Variants in RFTN1 observed in about 807,000 individuals in gnomAD.
RFTN1 encodes raftlin, lipid raft linker 1.
Under a neutral mutation model 46.5 loss-of-function variants are expected in RFTN1, and 26 were observed. That is an observed-to-expected ratio of 0.56 (90% CI 0.41 to 0.78). The LOEUF is 0.78. Ranked by LOEUF, RFTN1 falls within the 30% of genes least tolerant of loss-of-function variation. The pLI, the probability that RFTN1 is intolerant of heterozygous loss-of-function variation, is 0.00. For synonymous variants in RFTN1, 261 were observed against 284.2 expected (o/e 0.92, Z 0.82); for missense variants, 693 against 718.7 (o/e 0.96, Z 0.41).
intron 7 of RFTN1, chr3:16,350,401 C>T (rs542591): frequency 6.6e-6 from 1 of 151,966 alleles, no homozygotes; most frequent in African/African-American, 2.4e-5. Context: ...CATGGATGGG[C>T]GTGGGCATTT....
chr3:16,491,779 A>C (rs965859186), intron 2 of RFTN1, among the ~76,000 whole-genome samples: 7 of 146,166 alleles, frequency 4.8e-5, no homozygotes, highest in African/African-American at 1.5e-4. Flanking sequence ...CAAAACAAAC[A>C]AAAAAAAAAA....
intron 5 of RFTN1, among the ~76,000 whole-genome samples, chr3:16,371,870 C>A (rs1292604288): frequency 6.6e-6 from 1 of 152,178 alleles, no homozygotes; most frequent in African/African-American, 2.4e-5. Flanking sequence ...CTGGCAGTCA[C>A]TAGACTAGTT....
rs982949864 is a variant in RFTN1, at chr3:16,356,491, ATGC to A, written c.1146+1438_1146+1440del. On this transcript the variant is annotated intron_variant, in intron 7 of 9. Transcript: ENST00000334133. The surrounding 1 kb of genome is among the most constrained non-coding windows in gnomAD (Gnocchi z 4.9). ...TTCTCATCCCTGTTCAGACGCAGGT[ATGC>A]CCCCCAACAGCCTTGCTCCTCACTT... Among the ~76,000 whole-genome samples, 1 of 128,956 alleles carries A rather than the reference ATGC, an allele frequency of 7.8e-6. No homozygotes were observed. Among genetic ancestry groups the A allele is most frequent in the African/African-American group, 2.6e-5 (1 of 39,048 alleles). The allele number at this position is 128,956 out of a possible 152,430, so 84.6% of individuals were successfully genotyped here. A position where few individuals can be genotyped will look rare whatever the true frequency, so the allele number is the denominator to read the frequency against.
At chr3:16,388,602 G>A (rs1232616769) in intron 4 of RFTN1, among the ~76,000 whole-genome samples, 1 of 152,198 alleles carries the variant, frequency 6.6e-6, no homozygotes, top group African/African-American at 2.4e-5. Context: ...TCTCAAGAAA[G>A]CATTGCTGTT....
At chr3:16,441,299 T>TAAAAA (rs59877269) in intron 2 of RFTN1, among the ~76,000 whole-genome samples, 15 of 47,546 alleles carry the variant, frequency 3.2e-4, no homozygotes, top group African/African-American at 7.3e-4. Flanking sequence ...TTCCAAGAAC[T>TAAAAA]AAAAAAAAAA....
In RFTN1 at chr3:16,384,274, C is replaced by T. The variant is rs1343909831; in HGVS notation, c.442-6172G>A. Among the ~76,000 whole-genome samples the T allele has an allele frequency of 6.6e-6, 1 of 152,218 alleles. No individual in the cohort carries two copies. Among genetic ancestry groups the T allele is most frequent in the African/African-American group, 2.4e-5 (1 of 41,452 alleles). On this transcript the variant is annotated intron_variant, in intron 4 of 9. Coordinates refer to ENST00000334133, the MANE Select transcript of RFTN1 (RefSeq NM_015150.2). The surrounding 1 kb of genome is among the most constrained non-coding windows in gnomAD (Gnocchi z 4.7). ...CCCCCACTATCACATGAGCCAGTTC[C>T]TTAAAATAATCAATTTTCTCTCTTC... is the stretch of plus-strand genomic sequence containing the variant.
chr3:16,371,453 G>C (rs66689243), intron 5 of RFTN1, among the ~76,000 whole-genome samples: 24,930 of 152,230 alleles, frequency 0.16, 2,422 homozygotes, highest in Admixed American at 0.24. Context: ...TATGAAGGCA[G>C]TCCGCTACCA....
At position 16,460,277 on chromosome 3, in the gene RFTN1, T is replaced by C. The variant is rs1387622388; in HGVS notation, c.146-26240A>G. Among the ~76,000 whole-genome samples the C allele has an allele frequency of 6.6e-6, 1 of 152,210 alleles. No homozygotes were observed. Among genetic ancestry groups the C allele is most frequent in the Non-Finnish European group, 1.5e-5 (1 of 68,034 alleles). On this transcript the variant is annotated intron_variant, in intron 2 of 9. Transcript: ENST00000334133. The surrounding 1 kb of genome is among the most constrained non-coding windows in gnomAD (Gnocchi z 4.8). ...GGGATCTGGCAGGATGAGTTGCACATGGGTAGCATTTATATTAACTAAATT... is the reference window on the plus strand; with the variant it reads ...GGGATCTGGCAGGATGAGTTGCACACGGGTAGCATTTATATTAACTAAATT...
chr3:16,486,100 GCTTT>G (rs1291594316), intron 2 of RFTN1, among the ~76,000 whole-genome samples: 1 of 152,084 alleles, frequency 6.6e-6, no homozygotes, highest in Non-Finnish European at 1.5e-5. Context: ...CTCCTCCTCT[GCTTT>G]CTGCTTTCCT....
rs2076090162 is a variant in RFTN1 at position 16,466,290 on chromosome 3, C to T, written c.145+27435G>A. Among the ~76,000 whole-genome samples the T allele has an allele frequency of 6.6e-6, 1 of 152,148 alleles. No individual in the cohort carries two copies. Among genetic ancestry groups the T allele is most frequent in the Non-Finnish European group, 1.5e-5 (1 of 68,034 alleles). Reference sequence around the variant, plus strand: ...TACACATGAGGACTGCATTCCTATTCAGGGATTTACGTGGGAAAAAAAGAA... The same window carrying T: ...TACACATGAGGACTGCATTCCTATTTAGGGATTTACGTGGGAAAAAAAGAA... On this transcript the variant is annotated intron_variant, in intron 2 of 9. Coordinates refer to ENST00000334133, the MANE Select transcript of RFTN1 (RefSeq NM_015150.2). The surrounding 1 kb of genome is among the most constrained non-coding windows in gnomAD (Gnocchi z 5.6).
intron 2 of RFTN1, among the ~76,000 whole-genome samples, chr3:16,464,527 T>C (rs2076058409): frequency 6.6e-6 from 1 of 152,238 alleles, no homozygotes; most frequent in South Asian, 2.1e-4. Context: ...CCTTTATATT[T>C]TTCAAAGTGT....
chr3:16,498,199 C>T lies in RFTN1; in HGVS notation c.-8-4322G>A, dbSNP rs1275903413. Among the ~76,000 whole-genome samples the T allele has an allele frequency of 1.3e-5, 2 of 152,194 alleles. No homozygotes were observed. Among genetic ancestry groups the T allele is most frequent in the East Asian group, 1.9e-4 (1 of 5,198 alleles). On this transcript the variant is annotated intron_variant, in intron 1 of 9. Transcript: ENST00000334133. This position sits in a 1 kb window ranked among gnomAD's most constrained non-coding sequence, Gnocchi z 5.2. ...CCTCCATACTTGAGTCATTACATAA[C>T]GACTGCAACTTAGTTTAGTAGGTAA...
At chr3:16,377,537 C>T (rs2073823560) in intron 5 of RFTN1, among the ~76,000 whole-genome samples, 181 bp downstream of exon 5, 1 of 152,208 alleles carries the variant, frequency 6.6e-6, no homozygotes, top group Non-Finnish European at 1.5e-5. Context: ...GAAGTCATAA[C>T]TTCAGTAAGT....
rs987873374 is a variant in RFTN1, at chr3:16,396,924, G to T, written c.441+12451C>A. On this transcript the variant is annotated intron_variant, in intron 4 of 9. Coordinates refer to ENST00000334133, the MANE Select transcript of RFTN1 (RefSeq NM_015150.2). ...CTAAAAATACAAAAATTAGCTGGGC[G>T]TGGTGGCAGGTACCTGTAATCCCAG... is the stretch of plus-strand genomic sequence containing the variant. Among the ~76,000 whole-genome samples the T allele has an allele frequency of 5.9e-5, 9 of 152,132 alleles. 1 individual carries two copies. Among genetic ancestry groups the T allele is most frequent in the East Asian group, 1.9e-4 (1 of 5,180 alleles).
At position 16,474,836 on chromosome 3, in the gene RFTN1, A is replaced by G. The variant is rs2076255850; in HGVS notation, c.145+18889T>C. Among the ~76,000 whole-genome samples, 1 of 152,166 alleles carries G rather than the reference A, an allele frequency of 6.6e-6. No homozygotes were observed. Among genetic ancestry groups the G allele is most frequent in the Non-Finnish European group, 1.5e-5 (1 of 68,026 alleles). ...AAAGAATACAAGCTGCATCAGTTCT[A>G]TTTCTTCCCCAGCCAGAATACACAG... On this transcript the variant is annotated intron_variant, in intron 2 of 9. Coordinates refer to ENST00000334133, the MANE Select transcript of RFTN1 (RefSeq NM_015150.2). The surrounding 1 kb of genome is among the most constrained non-coding windows in gnomAD (Gnocchi z 5.5).
chr3:16,328,594 G>A (rs919930994), intron 7 of RFTN1, among the ~76,000 whole-genome samples: 1 of 152,190 alleles, frequency 6.6e-6, no homozygotes, highest in Non-Finnish European at 1.5e-5. Context: ...ATGGGTACTG[G>A]TCTATGTCGG....
chr3:16,372,821 C>T (rs1457176191), intron 5 of RFTN1, among the ~76,000 whole-genome samples: 1 of 152,190 alleles, frequency 6.6e-6, no homozygotes, highest in African/African-American at 2.4e-5. Flanking sequence ...AGACTGAAGC[C>T]AGAGACAGAA....
intron 7 of RFTN1, chr3:16,347,674 G>T (rs903895257): frequency 1.3e-5 from 2 of 152,258 alleles, no homozygotes; most frequent in Non-Finnish European, 2.9e-5. Flanking sequence ...AGCTTTCTCT[G>T]TGAAAGGGGA....
intron 5 of RFTN1, among the ~76,000 whole-genome samples, chr3:16,371,424 G>A (rs2073495603): frequency 6.6e-6 from 1 of 152,050 alleles, no homozygotes; most frequent in Non-Finnish European, 1.5e-5. Context: ...TTTAGAAAAA[G>A]GAAACTTTGT....
Sources: allele counts gnomAD v4.1 joint callset (sites outside exome capture counted in the v4.1 genomes callset), GRCh38; gene constraint gnomAD v4.1.1; non-coding constraint Gnocchi (gnomAD v3.1); transcripts MANE v1.5; gene names NCBI Gene and HGNC (gene_info 2026-07-23, HGNC 2026-07-21).